Variants in CYRIB observed in about 807,000 individuals in gnomAD.
CYRIB encodes the protein CYFIP related Rac1 interactor B, also known as CYFIP-related Rac1 interactor B.
CYRIB carries 8 observed loss-of-function variants against 44.2 expected under a neutral mutation model. That is an observed-to-expected ratio of 0.18 (90% CI 0.11 to 0.33). The LOEUF is 0.33. Ranked by LOEUF, CYRIB falls within the 10% of genes least tolerant of loss-of-function variation. The probability of loss-of-function intolerance (pLI) is 1.00; values close to 1 mark genes in which losing one functional copy is unlikely to be tolerated. For missense variants in CYRIB, 185 were observed against 382.8 expected (o/e 0.48, Z 4.31); for synonymous variants, 131 against 127.2 (o/e 1.03, Z -0.20).
intron 1 of CYRIB, among the ~76,000 whole-genome samples, chr8:129,993,031 G>C (rs897831560): frequency 2.0e-5 from 3 of 152,196 alleles, no homozygotes; most frequent in African/African-American, 7.2e-5. Flanking sequence ...GGATGGGCAA[G>C]GCTGGGGTCA....
At chr8:129,909,137 G>A (rs913515848) in intron 1 of CYRIB, among the ~76,000 whole-genome samples, 8 of 151,918 alleles carry the variant, frequency 5.3e-5, no homozygotes, top group African/African-American at 2.4e-5. Flanking sequence ...CAGAAGATTT[G>A]AAATACCAAC....
chr8:129,953,237 G>C (rs1273080941), intron 2 of CYRIB, among the ~76,000 whole-genome samples: 1 of 152,176 alleles, frequency 6.6e-6, no homozygotes, highest in African/African-American at 2.4e-5. Flanking sequence ...GGCTAGAAGA[G>C]TTCCTTCCAG....
At chr8:129,886,599 A>C (rs570400534) in intron 2 of CYRIB, among the ~76,000 whole-genome samples, 5 of 152,066 alleles carry the variant, frequency 3.3e-5, no homozygotes, top group Admixed American at 2.6e-4. Flanking sequence ...TTCTCTATTA[A>C]ACCCACTGCA....
chr8:129,860,865 GAA>G (rs34972546), intron 5 of CYRIB, among the ~76,000 whole-genome samples: 1,430 of 129,264 alleles, frequency 0.011, 18 homozygotes, highest in African/African-American at 0.039. Flanking sequence ...GAGGCTTAAA[GAA>G]AAAAAAAAAA....
chr8:129,922,505 T>C (rs748883247), intron 1 of CYRIB, among the ~76,000 whole-genome samples: 10 of 152,100 alleles, frequency 6.6e-5, no homozygotes, highest in African/African-American at 9.7e-5. Flanking sequence ...AAAACAAAAT[T>C]TGAACATTAT....
chr8:129,933,660 T>C (rs1295892552), intron 1 of CYRIB, among the ~76,000 whole-genome samples: 1 of 152,054 alleles, frequency 6.6e-6, no homozygotes, highest in African/African-American at 2.4e-5. Flanking sequence ...GGCTGATCAC[T>C]TGAGGTCAGA....
intron 1 of CYRIB, among the ~76,000 whole-genome samples, chr8:129,992,061 A>AT (rs1239391034): frequency 1.3e-5 from 2 of 151,492 alleles, no homozygotes; most frequent in South Asian, 2.1e-4. Flanking sequence ...CACGCCCGTA[A>AT]TCCCAGCACT....
At chr8:129,869,069 A>AAAG (rs1554710520) in intron 4 of CYRIB, among the ~76,000 whole-genome samples, 1 of 150,266 alleles carries the variant, frequency 6.7e-6, no homozygotes, top group Non-Finnish European at 1.5e-5. Flanking sequence ...AAAAAAAAAA[A>AAAG]AAGAAGAAAA....
chr8:129,952,689 G>C (rs2094568482), intron 2 of CYRIB, among the ~76,000 whole-genome samples: 1 of 152,156 alleles, frequency 6.6e-6, no homozygotes, highest in Admixed American at 6.6e-5. Flanking sequence ...GAGAGAACCT[G>C]ATGGAGAAAA....
At chr8:129,985,398 C>G (rs1419375605) in intron 1 of CYRIB, among the ~76,000 whole-genome samples, 1 of 152,120 alleles carries the variant, frequency 6.6e-6, no homozygotes, top group Non-Finnish European at 1.5e-5. Context: ...CTTACTCACC[C>G]CCTTGAAATT....
chr8:129,879,354 G>A, intron 3 of CYRIB, 35 bp downstream of exon 5: 1 of 1,434,032 alleles, frequency 7.0e-7, no homozygotes, highest in Non-Finnish European at 9.8e-7. Flanking sequence ...GTCTACTGCA[G>A]GCAAAGAGAA....
At chr8:129,919,015 T>C (rs1051888179) in intron 1 of CYRIB, among the ~76,000 whole-genome samples, 4 of 152,192 alleles carry the variant, frequency 2.6e-5, no homozygotes, top group Non-Finnish European at 4.4e-5. Flanking sequence ...GTTTTACAGA[T>C]AGTTTTTAAA....
intron 1 of CYRIB, among the ~76,000 whole-genome samples, chr8:129,916,617 T>G (rs2080908432): frequency 6.6e-6 from 1 of 152,202 alleles, no homozygotes; most frequent in African/African-American, 2.4e-5. Context: ...CTAAAAAGAT[T>G]CTTATCCTTA....
intron 2 of CYRIB, among the ~76,000 whole-genome samples, chr8:129,897,729 G>C (rs534930002): frequency 6.6e-6 from 1 of 151,456 alleles, no homozygotes; most frequent in South Asian, 2.1e-4. Flanking sequence ...GAGCCCAGGA[G>C]TTCGAGACCA....
At position 129,905,322 on chromosome 8, in the gene CYRIB, AT is replaced by A. The variant is rs149214028; in HGVS notation, c.-49-1973del. ...AAGCTCTGCCTCCCAGGTTCACGCGATTTTCCTGTCTCAGCCTCCCAAGCGG... is the reference window on the plus strand; with the variant it reads ...AAGCTCTGCCTCCCAGGTTCACGCGATTTCCTGTCTCAGCCTCCCAAGCGG... On this transcript the variant is annotated intron_variant, in intron 1 of 11. Coordinates refer to ENST00000519824, the Ensembl canonical transcript of CYRIB. Among the ~76,000 whole-genome samples, 45 of 151,878 alleles carry A rather than the reference AT, an allele frequency of 3.0e-4. No individual in the cohort carries two copies. The East Asian group carries it at 8.5e-3, about 29-fold the overall frequency.
At chr8:129,905,204 T>TTGAC (rs1465596921) in intron 1 of CYRIB, among the ~76,000 whole-genome samples, 1 of 150,342 alleles carries the variant, frequency 6.7e-6, no homozygotes, top group Non-Finnish European at 1.5e-5. Context: ...CCAGGCTGGA[T>TTGAC]TGATTGATTG....
exon 12 of CYRIB, chr8:129,842,128 T>G: frequency 6.2e-7 from 1 of 1,603,646 alleles, no homozygotes; most frequent in Non-Finnish European, 8.5e-7. Flanking sequence ...CAGCAGGTGC[T>G]TATTCCAGAA....
intron 2 of CYRIB, among the ~76,000 whole-genome samples, chr8:129,951,822 G>A (rs536260376): frequency 1.5e-4 from 23 of 151,860 alleles, no homozygotes; most frequent in African/African-American, 5.1e-4. Flanking sequence ...TCCTAACATC[G>A]TTTGTATTAT....
chr8:129,912,334 A>G (rs2078456128), intron 1 of CYRIB: 1 of 152,130 alleles, frequency 6.6e-6, no homozygotes, highest in South Asian at 2.1e-4. Flanking sequence ...CTAGCACTGA[A>G]ATGACCATTC....
Sources: gnomAD v4.1 joint callset for allele counts (sites outside exome capture counted in the v4.1 genomes callset) on GRCh38, gnomAD v4.1.1 for gene constraint, MANE v1.5 for transcripts, NCBI Gene and HGNC (gene_info 2026-07-23, HGNC 2026-07-21) for gene names.